The following DNAJC13 variants were observed in gnomAD, a reference collection of about 807,000 sequenced individuals.
The protein encoded by DNAJC13 is DnaJ heat shock protein family (Hsp40) member C13, also known as dnaJ homolog subfamily C member 13.
In DNAJC13, 75 loss-of-function variants were observed where a neutral mutation model predicts 290.5. That is an observed-to-expected ratio of 0.26 (90% CI 0.21 to 0.31). The LOEUF (loss-of-function observed/expected upper bound fraction) is 0.31, where lower values mean the gene tolerates loss of function less well. DNAJC13 is among the 10% of genes least tolerant of loss of function. DNAJC13 has a pLI of 1.00. For synonymous variants in DNAJC13, 862 were observed against 892.0 expected (o/e 0.97, Z 0.60); for missense variants, 2,260 against 2,674.5 (o/e 0.85, Z 3.42).
intron 22 of DNAJC13, among the ~76,000 whole-genome samples, chr3:132,475,668 T>G (rs1173422190): frequency 6.6e-6 from 1 of 152,184 alleles, no homozygotes; most frequent in East Asian, 1.9e-4. Flanking sequence ...CCAGTTGCAT[T>G]TCCATATTCC....
chr3:132,473,668 T>G lies in DNAJC13; in HGVS notation c.2291+441T>G, dbSNP rs950793772. On this transcript the variant is annotated intron_variant, in intron 21 of 55. Coordinates refer to ENST00000260818, the MANE Select transcript of DNAJC13 (RefSeq NM_015268.4). ...TTATCTACCAATCTCACCCTTACCCTGCACCCCCTTCCTGGACACACACAT... is the reference window on the plus strand; with the variant it reads ...TTATCTACCAATCTCACCCTTACCCGGCACCCCCTTCCTGGACACACACAT... Among the ~76,000 whole-genome samples the G allele has an allele frequency of 8.6e-5, 13 of 151,908 alleles. No individual in the cohort carries two copies. In the South Asian group the frequency reaches 2.7e-3, roughly 32 times the overall value.
At chr3:132,532,301 G>A (rs1936439269) in intron 55 of DNAJC13, among the ~76,000 whole-genome samples, 2 of 152,116 alleles carry the variant, frequency 1.3e-5, no homozygotes, top group Non-Finnish European at 2.9e-5. Flanking sequence ...CAAAATTAGA[G>A]GCTTTGGAGG....
intron 27 of DNAJC13, 87 bp downstream of exon 27, chr3:132,482,417 A>T (rs1259351261): frequency 5.9e-6 from 6 of 1,015,358 alleles, no homozygotes; most frequent in Non-Finnish European, 8.7e-6. Flanking sequence ...GGAATGTTTT[A>T]AAGCTGTCAT....
chr3:132,481,346 G>A (rs1198695972), intron 26 of DNAJC13, among the ~76,000 whole-genome samples: 1 of 152,136 alleles, frequency 6.6e-6, no homozygotes, highest in African/African-American at 2.4e-5. Context: ...CCAGCACTTT[G>A]GGGGGCTGAG....
chr3:132,471,298 C>T (rs1934241763), intron 20 of DNAJC13, among the ~76,000 whole-genome samples: 1 of 123,412 alleles, frequency 8.1e-6, no homozygotes, highest in African/African-American at 2.7e-5. Flanking sequence ...GGGGGGCTGA[C>T]CCCCCACCTC....
At chr3:132,462,771 T>C (rs1297156175) in intron 16 of DNAJC13, among the ~76,000 whole-genome samples, 1 of 152,222 alleles carries the variant, frequency 6.6e-6, no homozygotes, top group East Asian at 1.9e-4. Flanking sequence ...TTGTTTATTT[T>C]ACTTACTTAA....
chr3:132,502,983 A>G (rs538701577), intron 40 of DNAJC13, among the ~76,000 whole-genome samples: 1 of 152,316 alleles, frequency 6.6e-6, no homozygotes, highest in South Asian at 2.1e-4. Flanking sequence ...GATATACTGC[A>G]TTGGGTATAA....
intron 36 of DNAJC13, among the ~76,000 whole-genome samples, chr3:132,498,874 C>G (rs1935320461): frequency 6.6e-6 from 1 of 152,034 alleles, no homozygotes; most frequent in Non-Finnish European, 1.5e-5. Context: ...TGCCACCACA[C>G]CCGGCTAACT....
chr3:132,469,101 CAGATAAATGTTGGTCA>C (rs1304762590), intron 20 of DNAJC13, among the ~76,000 whole-genome samples: 1 of 152,100 alleles, frequency 6.6e-6, no homozygotes, highest in Non-Finnish European at 1.5e-5. Flanking sequence ...ATAATGATGC[CAGATAAATGTTGGTCA>C]AGAAGATCTT....
intron 41 of DNAJC13, among the ~76,000 whole-genome samples, chr3:132,504,698 G>A (rs1935532074): frequency 6.6e-6 from 1 of 152,086 alleles, no homozygotes; most frequent in African/African-American, 2.4e-5. Flanking sequence ...AGACATTTAA[G>A]GAATTGTGAA....
chr3:132,453,842 A>T, intron 8 of DNAJC13, 148 bp downstream of exon 8: 1 of 755,918 alleles, frequency 1.3e-6, no homozygotes, highest in Non-Finnish European at 2.1e-6. Flanking sequence ...ATATTAATTG[A>T]TCATAGAACA....
chr3:132,495,437 C>G (rs1935206855), intron 35 of DNAJC13, among the ~76,000 whole-genome samples: 1 of 152,066 alleles, frequency 6.6e-6, no homozygotes, highest in Non-Finnish European at 1.5e-5. Context: ...AATGGGCAAT[C>G]ATAAGAATAA....
intron 43 of DNAJC13, among the ~76,000 whole-genome samples, 188 bp from the exon 44 acceptor site, chr3:132,510,879 T>C (rs1273339170): frequency 1.3e-5 from 2 of 152,190 alleles, no homozygotes; most frequent in African/African-American, 2.4e-5. Flanking sequence ...ATCAGATCTC[T>C]GGAAGTTGAG....
At chr3:132,514,450 C>T in intron 45 of DNAJC13, 121 bp from the exon 46 acceptor site, 1 of 620,700 alleles carries the variant, frequency 1.6e-6, no homozygotes, top group Non-Finnish European at 2.7e-6. Flanking sequence ...AAACTCTTAT[C>T]TAAAAACTAA....
intron 51 of DNAJC13, among the ~76,000 whole-genome samples, chr3:132,524,521 A>G (rs1299768164): frequency 6.6e-6 from 1 of 152,250 alleles, no homozygotes; most frequent in Non-Finnish European, 1.5e-5. Context: ...GAGTTAATAC[A>G]TATATAGAAT....
rs184520204 is a variant in DNAJC13, at chr3:132,496,237, G to C, written c.4021-291G>C. The stretch of plus-strand genomic sequence containing the variant: ...AGTAGCTCATAATTTTTGTTATATA[G>C]ACGCAAACTCTCTCTAGTATGTATG... On this transcript the variant is annotated intron_variant, in intron 35 of 55. Coordinates refer to ENST00000260818, the MANE Select transcript of DNAJC13 (RefSeq NM_015268.4). 6.6e-5 allele frequency among the ~76,000 whole-genome samples: 10 copies of C among 152,134 alleles called. No homozygotes were observed. In the East Asian group the frequency reaches 1.9e-3, roughly 29 times the overall value.
chr3:132,499,197 C>A lies in DNAJC13; in HGVS notation c.4228C>A (p.Leu1410Ile). 1 of 1,614,026 alleles carries A rather than the reference C, an allele frequency of 6.2e-7. No homozygotes were observed. The highest frequency in any genetic ancestry group is 8.5e-7 in the Non-Finnish European group (1 of 1,179,942). Residue 1410 changes from leucine (L) to isoleucine (I), a missense_variant, in exon 37 of 56, where the codon CTC (leucine) becomes ATC (isoleucine). This residue lies in a region of DNAJC13 where 1,494 missense variants were observed against 1,693.7 expected (regional missense o/e 0.88). Coordinates refer to ENST00000260818, the MANE Select transcript of DNAJC13 (RefSeq NM_015268.4). ...TATAACAATGGAAACTTCAGATGAC[C>A]TCCTTTTCTCAAAAGAATCACCATT... Reference protein sequence around the residue: ...RTITMETSDDLLFSKESPLLP... With the variant: ...RTITMETSDDILFSKESPLLP...
At chr3:132,432,217 G>C (rs1010104462) in intron 1 of DNAJC13, among the ~76,000 whole-genome samples, 34 of 151,446 alleles carry the variant, frequency 2.2e-4, no homozygotes, top group Middle Eastern at 3.4e-3. Context: ...TGTTTTTTTG[G>C]GGGGGGACAG....
chr3:132,446,769 G>T (rs1002123537), intron 3 of DNAJC13, among the ~76,000 whole-genome samples: 2 of 151,840 alleles, frequency 1.3e-5, no homozygotes, highest in Non-Finnish European at 2.9e-5. Context: ...GCTCTCAAGG[G>T]TATAACTTGA....
Sources: allele counts gnomAD v4.1 joint callset (sites outside exome capture counted in the v4.1 genomes callset), GRCh38; gene constraint gnomAD v4.1.1; regional missense constraint gnomAD v4.1.1; transcripts MANE v1.5; gene names NCBI Gene and HGNC (gene_info 2026-07-23, HGNC 2026-07-21).